PDGFC: variants seen among roughly 807,000 people sequenced by gnomAD.
PDGFC encodes platelet derived growth factor C, also known as platelet-derived growth factor C.
PDGFC carries 12 observed loss-of-function variants against 35.5 expected under a neutral mutation model. That is an observed-to-expected ratio of 0.34 (90% CI 0.22 to 0.55). The LOEUF (loss-of-function observed/expected upper bound fraction) is 0.55, where lower values mean the gene tolerates loss of function less well. PDGFC is among the 20% of genes least tolerant of loss of function. PDGFC has a pLI of 0.91. For synonymous variants in PDGFC, 159 were observed against 148.8 expected, an observed-to-expected ratio of 1.07 and a Z score of -0.50; for missense variants, 322 against 412.4, an observed-to-expected ratio of 0.78 and a Z score of 1.90.
In PDGFC at chr4:156,781,795, C is replaced by T. The variant is rs140863046; in HGVS notation, c.496-8902G>A. On this transcript the variant is annotated intron_variant, in intron 3 of 5. Transcript: ENST00000502773. Reference sequence around the variant, plus strand: ...GTATTCAAAGGAGGGATGATTCCACCTACCTAGGAAAACTGGTATAAGGAT... The same window carrying T: ...GTATTCAAAGGAGGGATGATTCCACTTACCTAGGAAAACTGGTATAAGGAT... Among the ~76,000 whole-genome samples, 479 of 152,152 alleles carry T rather than the reference C, an allele frequency of 3.1e-3. 5 individuals are homozygous for T. The highest frequency in any genetic ancestry group is 0.011 in the African/African-American group (457 of 41,520).
chr4:156,908,820 A>C (rs1045502061), intron 1 of PDGFC, among the ~76,000 whole-genome samples: 3 of 152,184 alleles, frequency 2.0e-5, no homozygotes, highest in African/African-American at 7.2e-5. Context: ...AATACCCAAA[A>C]AGTTGGAAAT....
At chr4:156,813,351 T>C (rs1334013260) in intron 2 of PDGFC, among the ~76,000 whole-genome samples, 2 of 152,206 alleles carry the variant, frequency 1.3e-5, no homozygotes, top group African/African-American at 4.8e-5. Flanking sequence ...TACAAACACA[T>C]AACTAAAGCT....
chr4:156,917,457 TTC>T (rs1560872246), intron 1 of PDGFC, among the ~76,000 whole-genome samples: 1 of 152,204 alleles, frequency 6.6e-6, no homozygotes, highest in Non-Finnish European at 1.5e-5. Context: ...TTTGTATGAT[TTC>T]CCACTGTGTG....
intron 3 of PDGFC, among the ~76,000 whole-genome samples, chr4:156,798,901 C>T (rs1283145806): frequency 1.3e-5 from 2 of 152,156 alleles, no homozygotes; most frequent in Non-Finnish European, 1.5e-5. Flanking sequence ...TCCTCTTTAG[C>T]AATGCTACAC....
chr4:156,858,817 A>C (rs945899609), intron 1 of PDGFC, among the ~76,000 whole-genome samples: 3 of 152,202 alleles, frequency 2.0e-5, no homozygotes, highest in Middle Eastern at 3.4e-3. Flanking sequence ...CTTTAAGGAA[A>C]ATATTTTCAA....
At chr4:156,852,164 C>T (rs1299673207) in intron 1 of PDGFC, among the ~76,000 whole-genome samples, 1 of 151,940 alleles carries the variant, frequency 6.6e-6, no homozygotes, top group Non-Finnish European at 1.5e-5. Context: ...CTCATAATAT[C>T]ACAACAGTCT....
At chr4:156,928,925 T>A (rs1731483604) in intron 1 of PDGFC, among the ~76,000 whole-genome samples, 1 of 152,194 alleles carries the variant, frequency 6.6e-6, no homozygotes, top group South Asian at 2.1e-4. Context: ...CAATACACGA[T>A]TGTACTTACA....
chr4:156,903,031 C>T (rs911824228), intron 1 of PDGFC, among the ~76,000 whole-genome samples: 12 of 151,092 alleles, frequency 7.9e-5, no homozygotes, highest in Non-Finnish European at 1.6e-4. Flanking sequence ...CAAATAAATT[C>T]CACCCTCATG....
intron 3 of PDGFC, among the ~76,000 whole-genome samples, chr4:156,795,412 G>A (rs1372251171): frequency 2.0e-5 from 3 of 152,042 alleles, no homozygotes; most frequent in African/African-American, 7.2e-5. Flanking sequence ...CAAACTGAAA[G>A]TCATAATTGA....
intron 1 of PDGFC, among the ~76,000 whole-genome samples, chr4:156,905,529 A>T (rs181519598): frequency 4.9e-4 from 75 of 152,254 alleles, no homozygotes; most frequent in Middle Eastern, 3.4e-3. Context: ...GAAGTGTTAG[A>T]GCCAGGATGC....
chr4:156,930,858 CT>C (rs1731535177), intron 1 of PDGFC, among the ~76,000 whole-genome samples: 1 of 151,982 alleles, frequency 6.6e-6, no homozygotes, highest in Admixed American at 6.6e-5. Context: ...GAGTGAAACT[CT>C]GTCTCAAAAA....
At chr4:156,776,427 G>T (rs575844344) in intron 3 of PDGFC, among the ~76,000 whole-genome samples, 1 of 152,164 alleles carries the variant, frequency 6.6e-6, no homozygotes, top group Non-Finnish European at 1.5e-5. Context: ...GACACAAACC[G>T]GAAGCAGAGT....
At chr4:156,804,922 A>G (rs1579020214) in intron 3 of PDGFC, among the ~76,000 whole-genome samples, 1 of 151,950 alleles carries the variant, frequency 6.6e-6, no homozygotes, top group East Asian at 1.9e-4. Flanking sequence ...TATTTACAAC[A>G]CTCTTATAAA....
At chr4:156,835,456 A>G (rs530341997) in intron 2 of PDGFC, among the ~76,000 whole-genome samples, 20 of 152,256 alleles carry the variant, frequency 1.3e-4, no homozygotes, top group Non-Finnish European at 2.4e-4. Flanking sequence ...GCTTTTATAA[A>G]CATTATATGC....
In PDGFC at chr4:156,773,338, A is replaced by T. The variant is rs559077866; in HGVS notation, c.496-445T>A. Reference sequence around the variant, plus strand: ...AAATAATTAACCCAAAAGATCTAGAACAAAATAGTTAGAAATCATTTGACA... The same window carrying T: ...AAATAATTAACCCAAAAGATCTAGATCAAAATAGTTAGAAATCATTTGACA... On this transcript the variant is annotated intron_variant, in intron 3 of 5. Transcript: ENST00000502773. 9.3e-4 allele frequency among the ~76,000 whole-genome samples: 142 copies of T among 152,334 alleles called. No individual in the cohort carries two copies. In the South Asian group the frequency reaches 0.017, roughly 19 times the overall value.
chr4:156,772,706 A>G lies in PDGFC; in HGVS notation c.683T>C (p.Val228Ala), dbSNP rs1730721187. 1.2e-6 allele frequency: 2 copies of G among 1,613,040 alleles called. No individual in the cohort carries two copies. The highest frequency in any genetic ancestry group is 1.3e-5 in the African/African-American group (1 of 75,000). The change falls in exon 4 of 6, where the codon GTT becomes GCT. Residue 228 changes from valine to alanine, a missense_variant. By Grantham distance (64) the Val-to-Ala change is moderately conservative. This residue lies in a region of PDGFC where 202 missense variants were observed against 295.9 expected (regional missense o/e 0.68). Transcript: ENST00000502773. ...CTTACCTCTGGATTTTCTTCCAAAAACAAAAGCCTTGCCAAGAAGTTGCCA... is the reference window on the plus strand; with the variant it reads ...CTTACCTCTGGATTTTCTTCCAAAAGCAAAAGCCTTGCCAAGAAGTTGCCA... ...PTWQLLGKAF[V>A]FGRKSRVVDL...
At chr4:156,796,703 G>A (rs1350583284) in intron 3 of PDGFC, among the ~76,000 whole-genome samples, 1 of 151,928 alleles carries the variant, frequency 6.6e-6, no homozygotes, top group African/African-American at 2.4e-5. Context: ...GCAAAATGGT[G>A]ATGATTTAGC....
chr4:156,829,249 C>T (rs566302101), intron 2 of PDGFC, among the ~76,000 whole-genome samples: 20 of 152,008 alleles, frequency 1.3e-4, no homozygotes, highest in South Asian at 1.0e-3. Flanking sequence ...GATTGTTGAA[C>T]GAGGAATTAA....
At chr4:156,906,067 G>A (rs1730908963) in intron 1 of PDGFC, among the ~76,000 whole-genome samples, 1 of 152,076 alleles carries the variant, frequency 6.6e-6, no homozygotes, top group South Asian at 2.1e-4. Flanking sequence ...GCATGTTTAT[G>A]TATATATGTT....
Sources: allele counts gnomAD v4.1 joint callset (sites outside exome capture counted in the v4.1 genomes callset), GRCh38; gene constraint gnomAD v4.1.1; regional missense constraint gnomAD v4.1.1; transcripts MANE v1.5; gene names NCBI Gene and HGNC (gene_info 2026-07-23, HGNC 2026-07-21).